Variants in PAK4 observed in about 807,000 individuals in gnomAD.
PAK4 encodes the protein p21 (RAC1) activated kinase 4.
In PAK4, 49 loss-of-function variants were observed where a neutral mutation model predicts 53.5. The observed-to-expected ratio is 0.92, with a 90% CI of 0.73 to 1.16. The LOEUF (loss-of-function observed/expected upper bound fraction) is 1.16, where lower values mean the gene tolerates loss of function less well. Among genes scored for constraint, PAK4 ranks in the 50% most tolerant of loss-of-function variants. PAK4 has a pLI of 0.00. For missense variants in PAK4, 824 were observed against 850.7 expected (o/e 0.97, Z 0.39); for synonymous variants, 376 against 375.6 (o/e 1.00, Z -0.01).
intron 1 of PAK4, among the ~76,000 whole-genome samples, chr19:39,159,579 G>C (rs574270220): frequency 1.3e-5 from 2 of 152,282 alleles, no homozygotes; most frequent in Non-Finnish European, 2.9e-5. Context: ...GTAGGGATGG[G>C]GTTTTGCCAT....
At chr19:39,162,032 T>C (rs1359316105) in intron 1 of PAK4, among the ~76,000 whole-genome samples, 4 of 152,112 alleles carry the variant, frequency 2.6e-5, no homozygotes, top group Non-Finnish European at 5.9e-5. Flanking sequence ...CGATCTTGGC[T>C]CGCTGCAACT....
chr19:39,127,608 G>A (rs2073612762), intron 1 of PAK4, among the ~76,000 whole-genome samples: 1 of 152,082 alleles, frequency 6.6e-6, no homozygotes, highest in Non-Finnish European at 1.5e-5. Context: ...GCACTGTGCC[G>A]GGTGCTGGGA....
chr19:39,135,986 C>G (rs1198102200), intron 1 of PAK4, among the ~76,000 whole-genome samples: 1 of 150,412 alleles, frequency 6.6e-6, no homozygotes, highest in African/African-American at 2.4e-5. Flanking sequence ...TTCCTTGTCA[C>G]TCCCCTTCCT....
chr19:39,178,240 T>C lies in PAK4; in HGVS notation c.1621-184T>C, dbSNP rs2074648817. On this transcript the variant is annotated intron_variant, in intron 8 of 8. Transcript: ENST00000358301. This position sits in a 1 kb window ranked among gnomAD's most constrained non-coding sequence, Gnocchi z 4.4. ...CTCTGGGGCCACATAGTAAGCGCCA[T>C]CACAGGTGCCATCACTGTCCCTGTC... Among the ~76,000 whole-genome samples, 1 of 152,026 alleles carries C rather than the reference T, an allele frequency of 6.6e-6. No homozygotes were observed. The highest frequency in any genetic ancestry group is 1.5e-5 in the Non-Finnish European group (1 of 67,970).
chr19:39,156,362 G>T (rs2074181481), intron 1 of PAK4, among the ~76,000 whole-genome samples: 1 of 151,178 alleles, frequency 6.6e-6, no homozygotes, highest in South Asian at 2.1e-4. Flanking sequence ...CTGGTCCCTT[G>T]TTTCAAACCT....
At chr19:39,151,766 A>G (rs2074097632) in intron 1 of PAK4, among the ~76,000 whole-genome samples, 1 of 152,138 alleles carries the variant, frequency 6.6e-6, no homozygotes, top group Admixed American at 6.6e-5. Flanking sequence ...TAACCAATTC[A>G]TATGTTTTAT....
chr19:39,129,411 A>C (rs910106973), intron 1 of PAK4, among the ~76,000 whole-genome samples: 1 of 151,848 alleles, frequency 6.6e-6, no homozygotes, highest in Non-Finnish European at 1.5e-5. Context: ...GTTCCTGTAG[A>C]CCATGGCCAG....
At chr19:39,174,056 C>CCCTCCCACCCTCCCTCCCCT in intron 4 of PAK4, 46 bp downstream of exon 5, 1 of 1,133,120 alleles carries the variant, frequency 8.8e-7, no homozygotes, top group Non-Finnish European at 1.2e-6. Context: ...TCCCACCCCT[C>CCCTCCCACCCTCCCTCCCCT]CCTCCCACCC....
intron 1 of PAK4, among the ~76,000 whole-genome samples, chr19:39,127,786 C>G (rs1444690991): frequency 6.6e-6 from 1 of 152,180 alleles, no homozygotes; most frequent in African/African-American, 2.4e-5. Flanking sequence ...AGTGCCCCTA[C>G]CCTGGGCTGA....
Position 39,173,833 on chromosome 19 carries a change from C to G in PAK4, c.921C>G (p.Ala307=). Residue 307 remains alanine, a synonymous_variant, in exon 4 of 9, where the codon GCC becomes GCG. Coordinates refer to ENST00000358301, the Ensembl canonical transcript of PAK4. This position sits in a 1 kb window ranked among gnomAD's most constrained non-coding sequence, Gnocchi z 6.9. Reference sequence around the variant, plus strand: ...TATCCCATGAGCAGTTCCGGGCTGCCCTGCAGCTGGTGGTGGACCCAGGCG... The same window carrying G: ...TATCCCATGAGCAGTTCCGGGCTGCGCTGCAGCTGGTGGTGGACCCAGGCG... 2.5e-6 allele frequency: 4 copies of G among 1,612,572 alleles called. No individual in the cohort carries two copies. Among genetic ancestry groups the G allele is most frequent in the Non-Finnish European group, 3.4e-6 (4 of 1,179,774 alleles).
chr19:39,160,687 G>C (rs192554843), intron 1 of PAK4, among the ~76,000 whole-genome samples: 1 of 152,356 alleles, frequency 6.6e-6, no homozygotes, highest in Admixed American at 6.5e-5. Flanking sequence ...TGAGGTTTGC[G>C]AGGTTGGCAG....
chr19:39,163,393 G>C (rs2074316092), intron 1 of PAK4, among the ~76,000 whole-genome samples: 2 of 152,190 alleles, frequency 1.3e-5, no homozygotes, highest in African/African-American at 4.8e-5. Flanking sequence ...AGAGCCTGGA[G>C]GGGGCGGGGC....
intron 6 of PAK4, 38 bp from the exon 8 acceptor site, chr19:39,176,552 C>T (rs999314716): frequency 6.2e-7 from 1 of 1,612,832 alleles, no homozygotes; most frequent in Non-Finnish European, 8.5e-7. Flanking sequence ...TCCTGCTGTG[C>T]CAGCTCCTCT....
chr19:39,169,567 G>A, exon 2 of PAK4: 2 of 1,613,290 alleles, frequency 1.2e-6, no homozygotes, highest in East Asian at 2.2e-5. Flanking sequence ...TTTGGGAAGA[G>A]GAAGAAGCGG....
chr19:39,148,036 C>T (rs2074032245), intron 1 of PAK4, among the ~76,000 whole-genome samples: 1 of 149,940 alleles, frequency 6.7e-6, no homozygotes, highest in Non-Finnish European at 1.5e-5. Context: ...ACTGTGGCCT[C>T]CGCCTCCCGG....
In PAK4 at chr19:39,178,327, A is replaced by T. The variant is rs944238296; in HGVS notation, c.1621-97A>T. 7.3e-7 allele frequency: 1 copy of T among 1,370,026 alleles called. No homozygotes were observed. The highest frequency in any genetic ancestry group is 1.4e-5 in the African/African-American group (1 of 69,816). 84.9% of individuals were successfully genotyped at this position (1,370,026 alleles called of 1,614,324 possible). ...CGCCCCCTGCCCTCCTGCACAGTAC[A>T]TGCCGCCAGCCGACTTGGCAGAGGC... On this transcript the variant is annotated intron_variant, in intron 8 of 8. Coordinates refer to ENST00000358301, the Ensembl canonical transcript of PAK4. This position sits in a 1 kb window ranked among gnomAD's most constrained non-coding sequence, Gnocchi z 4.4.
intron 1 of PAK4, among the ~76,000 whole-genome samples, chr19:39,150,893 AT>A: frequency 1.3e-5 from 2 of 151,940 alleles, no homozygotes; most frequent in Non-Finnish European, 2.9e-5. Context: ...GGACTTTCAC[AT>A]TTTTTGCGTG....
chr19:39,173,543 C>T lies in PAK4; in HGVS notation c.664-33C>T. 4 of 1,490,968 alleles carry T rather than the reference C, an allele frequency of 2.7e-6. No homozygotes were observed. Among genetic ancestry groups the T allele is most frequent in the Non-Finnish European group, 3.6e-6 (4 of 1,110,810 alleles). 92.4% of individuals were successfully genotyped at this position (1,490,968 alleles called of 1,614,324 possible). A position where few individuals can be genotyped will look rare whatever the true frequency, so the allele number is the denominator to read the frequency against. On this transcript the variant is annotated intron_variant, in intron 3 of 8. Transcript: ENST00000358301. This position sits in a 1 kb window ranked among gnomAD's most constrained non-coding sequence, Gnocchi z 6.9. ...AGGGAGCAGAGCTGCTCCCTGGCAC[C>T]CATCACTGACAGCTACCTCTCTTCT...
intron 1 of PAK4, among the ~76,000 whole-genome samples, chr19:39,141,012 A>G (rs994850736): frequency 1.3e-5 from 2 of 152,202 alleles, no homozygotes; most frequent in African/African-American, 4.8e-5. Flanking sequence ...GTTAGGATTC[A>G]CAGGGTGAGT....
Sources: gnomAD v4.1 joint callset for allele counts (sites outside exome capture counted in the v4.1 genomes callset) on GRCh38, gnomAD v4.1.1 for gene constraint, Gnocchi (gnomAD v3.1) non-coding constraint, MANE v1.5 for transcripts, NCBI Gene and HGNC (gene_info 2026-07-23, HGNC 2026-07-21) for gene names.